The following POU3F3 variants were observed in gnomAD, a reference collection of about 807,000 sequenced individuals.
The protein encoded by POU3F3 is POU class 3 homeobox 3.
A neutral mutation model predicts 8.6 loss-of-function variants in POU3F3; 1 was observed. The ratio of observed to expected loss-of-function variants is 0.12; its 90% CI spans 0.04 to 0.55. The LOEUF (loss-of-function observed/expected upper bound fraction) is 0.55. Ranked by LOEUF, POU3F3 falls within the 20% of genes least tolerant of loss-of-function variation. POU3F3 has a pLI of 0.91. For synonymous variants in POU3F3, 418 were observed against 327.4 expected (o/e 1.28, Z -2.99); for missense variants, 577 against 690.7 (o/e 0.84, Z 1.84).
downstream of POU3F3, among the ~76,000 whole-genome samples, chr2:104,861,908 G>A (rs1422067798): frequency 6.6e-6 from 1 of 152,176 alleles, no homozygotes; most frequent in African/African-American, 2.4e-5. Context: ...GCTTGACGTT[G>A]ATTTCAATAA....
chr2:104,889,705 G>A, the POU3F3 span, among the ~76,000 whole-genome samples: 2 of 152,202 alleles, frequency 1.3e-5, no homozygotes, highest in African/African-American at 4.8e-5. Flanking sequence ...TAGTTAAATT[G>A]TCAGGTAACT....
the POU3F3 span, among the ~76,000 whole-genome samples, chr2:104,901,558 A>T: frequency 6.6e-6 from 1 of 152,190 alleles, no homozygotes; most frequent in East Asian, 1.9e-4. Context: ...GTGTCCTTCT[A>T]GGTAAGGTGG....
the POU3F3 span, among the ~76,000 whole-genome samples, chr2:104,885,943 C>A: frequency 6.6e-6 from 1 of 152,016 alleles, no homozygotes; most frequent in African/African-American, 2.4e-5. Flanking sequence ...ATTACAGGTG[C>A]CTGCAATCAC....
chr2:104,911,626 A>G, the POU3F3 span, among the ~76,000 whole-genome samples: 21 of 152,082 alleles, frequency 1.4e-4, no homozygotes, highest in African/African-American at 4.3e-4. Flanking sequence ...GAAAAGCCCT[A>G]CATACCCCCT....
chr2:104,857,470 CCT>C lies in POU3F3; in HGVS notation c.*458_*459del. The stretch of plus-strand genomic sequence containing the variant: ...AACTGCACTCGTGAGGTTTTTCCAC[CCT>C]GAGATGACCTACACGGCAGCGGTGG... On this transcript the variant is annotated 3_prime_UTR_variant, in exon 1 of 1. Transcript: ENST00000361360. 6.5e-6 allele frequency: 1 copy of C among 153,662 alleles called. No individual in the cohort carries two copies. Among genetic ancestry groups the C allele is most frequent in the Admixed American group, 6.5e-5 (1 of 15,272 alleles). 9.5% of individuals were successfully genotyped at this position (153,662 alleles called of 1,614,324 possible).
chr2:104,868,329 C>T, the POU3F3 span: 1 of 456,698 alleles, frequency 2.2e-6, no homozygotes. Flanking sequence ...AACAGTGCAG[C>T]AGTGCAAGCA....
the POU3F3 span, among the ~76,000 whole-genome samples, chr2:104,890,067 T>C: frequency 6.6e-6 from 1 of 152,126 alleles, no homozygotes; most frequent in African/African-American, 2.4e-5. Flanking sequence ...GGTGTCTTAC[T>C]GTGGTTGACC....
the POU3F3 span, among the ~76,000 whole-genome samples, chr2:104,886,470 C>A: frequency 6.6e-6 from 1 of 152,158 alleles, no homozygotes; most frequent in East Asian, 1.9e-4. Context: ...TTGTGTAAGT[C>A]CATTCTGTGA....
At chr2:104,863,205 A>C (rs1417193163), downstream of POU3F3, among the ~76,000 whole-genome samples, 3 of 129,848 alleles carry the variant, frequency 2.3e-5, no homozygotes, top group Non-Finnish European at 3.3e-5. Context: ...TATTATTATT[A>C]TTCTGGAAAC....
chr2:104,896,259 G>A, the POU3F3 span, among the ~76,000 whole-genome samples: 1 of 152,192 alleles, frequency 6.6e-6, no homozygotes, highest in African/African-American at 2.4e-5. Context: ...AGGGGTCCCT[G>A]CATGGAACTT....
At chr2:104,899,652 A>G in the POU3F3 span, among the ~76,000 whole-genome samples, 586 of 152,370 alleles carry the variant, frequency 3.8e-3, 7 homozygotes, top group African/African-American at 0.013. Flanking sequence ...TGTAGAACCA[A>G]TCAAAGGAAG....
upstream of POU3F3, among the ~76,000 whole-genome samples, chr2:104,853,984 G>A (rs969764191): frequency 6.6e-6 from 1 of 152,316 alleles, no homozygotes; most frequent in Admixed American, 6.5e-5. Flanking sequence ...GGGGGGCCTC[G>A]CGTCCTGAGC....
the POU3F3 span, among the ~76,000 whole-genome samples, chr2:104,913,560 T>G: frequency 6.6e-6 from 1 of 152,158 alleles, no homozygotes; most frequent in African/African-American, 2.4e-5. Flanking sequence ...AAGTCACCAC[T>G]CAGTCCAGGA....
chr2:104,866,475 AT>A, the POU3F3 span: 1 of 152,190 alleles, frequency 6.6e-6, no homozygotes, highest in African/African-American at 2.4e-5. Flanking sequence ...AAGGAGGGGA[AT>A]AAAAGCCCCC....
Position 104,856,443 on chromosome 2 carries a change from C to T in POU3F3, c.933C>T (p.His311=). ...CTGGACTCAACAGCCACGACCCGCACTCGGACGAGGACACGCCGACGTCGG... is the reference window on the plus strand; with the variant it reads ...CTGGACTCAACAGCCACGACCCGCATTCGGACGAGGACACGCCGACGTCGG... The part of the protein sequence containing the change: ...AGPGLNSHDP[H]SDEDTPTSDD... Residue 311 remains histidine (H), a synonymous_variant, in exon 1 of 1, where the codon CAC becomes CAT. Coordinates refer to ENST00000361360, the MANE Select transcript of POU3F3 (RefSeq NM_006236.3). The T allele has an allele frequency of 1.2e-6, 2 of 1,611,910 alleles. No individual in the cohort carries two copies. Among genetic ancestry groups the T allele is most frequent in the South Asian group, 1.1e-5 (1 of 90,984 alleles).
At chr2:104,899,904 C>A in the POU3F3 span, among the ~76,000 whole-genome samples, 5 of 152,190 alleles carry the variant, frequency 3.3e-5, no homozygotes, top group African/African-American at 1.2e-4. Flanking sequence ...CTCCCAACCA[C>A]GCAGGTGAAA....
chr2:104,922,552 T>C, the POU3F3 span, among the ~76,000 whole-genome samples: 1 of 152,088 alleles, frequency 6.6e-6, no homozygotes, highest in Non-Finnish European at 1.5e-5. Context: ...TGAAGGTAGA[T>C]TTGAGCAGGC....
At chr2:104,906,370 T>C in the POU3F3 span, among the ~76,000 whole-genome samples, 4 of 152,212 alleles carry the variant, frequency 2.6e-5, no homozygotes, top group Admixed American at 6.5e-5. Context: ...ATTGGATCTA[T>C]TAATCTGCTT....
the POU3F3 span, among the ~76,000 whole-genome samples, chr2:104,864,261 G>A: frequency 3.9e-5 from 6 of 152,246 alleles, no homozygotes; most frequent in Non-Finnish European, 8.8e-5. Flanking sequence ...AGCTGCAGAC[G>A]GAGGCCGTGG....
Sources: gnomAD v4.1 joint callset for allele counts (sites outside exome capture counted in the v4.1 genomes callset) on GRCh38, gnomAD v4.1.1 for gene constraint, MANE v1.5 for transcripts, NCBI Gene and HGNC (gene_info 2026-07-23, HGNC 2026-07-21) for gene names.